CDKL4: variants seen among roughly 807,000 people sequenced by gnomAD.
The protein encoded by CDKL4 is cyclin dependent kinase like 4.
CDKL4 carries 44 observed loss-of-function variants against 42.0 expected under a neutral mutation model. The ratio of observed to expected loss-of-function variants is 1.05; its 90% CI spans 0.82 to 1.35. CDKL4 has a LOEUF of 1.35. Among genes scored for constraint, CDKL4 ranks in the 40% most tolerant of loss-of-function variants. The pLI, the probability that CDKL4 is intolerant of heterozygous loss-of-function variation, is 0.00. For missense variants in CDKL4, 393 were observed against 369.9 expected (o/e 1.06, Z -0.51); for synonymous variants, 120 against 121.6 (o/e 0.99, Z 0.09).
intron 4 of CDKL4, among the ~76,000 whole-genome samples, chr2:39,210,255 T>C (rs542431866): frequency 6.6e-6 from 1 of 152,282 alleles, no homozygotes; most frequent in African/African-American, 2.4e-5. Context: ...CCTCCCAAAG[T>C]CCTGGGATTA....
upstream of CDKL4, among the ~76,000 whole-genome samples, chr2:39,243,959 C>T (rs896325998): frequency 6.6e-6 from 1 of 152,212 alleles, no homozygotes; most frequent in Admixed American, 6.5e-5. Flanking sequence ...GAGGAGGCGC[C>T]GTGTACCCAG....
At chr2:39,237,406 A>C (rs1028706416) in intron 1 of CDKL4, among the ~76,000 whole-genome samples, 1 of 152,218 alleles carries the variant, frequency 6.6e-6, no homozygotes, top group African/African-American at 2.4e-5. Flanking sequence ...TGAAAAATCT[A>C]CAGTTAACAT....
At chr2:39,206,032 C>T (rs1045678395) in intron 4 of CDKL4, among the ~76,000 whole-genome samples, 1 of 144,276 alleles carries the variant, frequency 6.9e-6, no homozygotes, top group Non-Finnish European at 1.5e-5. Flanking sequence ...GCACGCTGAC[C>T]TCAAAGCAGC....
intron 9 of CDKL4, chr2:39,178,473 A>G (rs1675258421): frequency 1.7e-6 from 2 of 1,187,858 alleles, no homozygotes; most frequent in East Asian, 2.5e-5. Context: ...TCTCTGTGTC[A>G]GATACTGTTT....
chr2:39,183,199 G>A (rs889928638), intron 8 of CDKL4, among the ~76,000 whole-genome samples: 1 of 151,974 alleles, frequency 6.6e-6, no homozygotes, highest in Non-Finnish European at 1.5e-5. Context: ...AGAACCACTC[G>A]AACCTGGTTG....
chr2:39,179,690 G>A (rs887687233), intron 8 of CDKL4, among the ~76,000 whole-genome samples: 61 of 152,144 alleles, frequency 4.0e-4, no homozygotes, highest in African/African-American at 1.4e-3. Flanking sequence ...CGAAGTCTTG[G>A]GTCCTATACC....
intron 1 of CDKL4, among the ~76,000 whole-genome samples, chr2:39,243,057 C>A (rs1217904087): frequency 1.6e-5 from 2 of 121,370 alleles, no homozygotes; most frequent in East Asian, 5.6e-4. Flanking sequence ...GGGAGGTCAG[C>A]GAGCCAAGGT....
In CDKL4 at chr2:39,187,669, G is replaced by A. The variant is rs549348531; in HGVS notation, c.693C>T (p.Asn231=). 244 of 1,612,552 alleles carry A rather than the reference G, an allele frequency of 1.5e-4. 1 individual carries two copies. The highest frequency in any genetic ancestry group is 1.9e-4 in the Non-Finnish European group (225 of 1,178,888). Residue 231 remains asparagine (N), a synonymous_variant, in exon 7 of 10, where the codon AAC becomes AAT. Transcript: ENST00000451199. ...GTATACTGATGCCATGGAAAAACCC[G>A]TTACTTTTAAAGATTGATTGATGTC...
chr2:39,176,177 A>T (rs1407068216), intron 9 of CDKL4, 81 bp from the exon 10 acceptor site: 2 of 392,898 alleles, frequency 5.1e-6, no homozygotes, highest in Non-Finnish European at 1.0e-5. Flanking sequence ...AGATGATAAG[A>T]CAAGCAGATA....
chr2:39,193,932 T>A lies in CDKL4; in HGVS notation c.455-3430A>T, dbSNP rs557144317. 1.3e-4 allele frequency among the ~76,000 whole-genome samples: 20 copies of A among 152,332 alleles called. No individual in the cohort carries two copies. The South Asian group carries it at 3.9e-3, about 30-fold the overall frequency. ...TTACAGTATTAAGTCAGATAAATTC[T>A]TTAGCCATTTCCTTATTTCTGAATG... On this transcript the variant is annotated intron_variant, in intron 5 of 9. Transcript: ENST00000451199.
chr2:39,195,499 A>G (rs1380804035), intron 5 of CDKL4, among the ~76,000 whole-genome samples: 1 of 152,218 alleles, frequency 6.6e-6, no homozygotes, highest in Non-Finnish European at 1.5e-5. Context: ...TAAAAATAAT[A>G]GTCATCCTAA....
At chr2:39,183,413 A>C (rs574392373) in intron 8 of CDKL4, among the ~76,000 whole-genome samples, 1 of 152,256 alleles carries the variant, frequency 6.6e-6, no homozygotes, top group African/African-American at 2.4e-5. Context: ...GTTGATACTT[A>C]TGGGTCTAAA....
At chr2:39,245,500 A>AC (rs1679875419), upstream of CDKL4, among the ~76,000 whole-genome samples, 1 of 152,004 alleles carries the variant, frequency 6.6e-6, no homozygotes, top group East Asian at 1.9e-4. Flanking sequence ...GACTGCAAGA[A>AC]CCCACCAATT....
At chr2:39,222,017 A>G (rs965741275) in intron 3 of CDKL4, among the ~76,000 whole-genome samples, 3 of 152,188 alleles carry the variant, frequency 2.0e-5, no homozygotes, top group Non-Finnish European at 4.4e-5. Context: ...TTATAACTGT[A>G]TCCTCTGCAC....
chr2:39,243,189 A>AT (rs996103571), intron 1 of CDKL4, among the ~76,000 whole-genome samples: 4 of 20,180 alleles, frequency 2.0e-4, no homozygotes, highest in African/African-American at 2.3e-4. Flanking sequence ...AGATCAGGCC[A>AT]TATCAGTTAG....
At chr2:39,229,234 T>C (rs1333942283) in intron 2 of CDKL4, 131 bp downstream of exon 2, 2 of 651,280 alleles carry the variant, frequency 3.1e-6, no homozygotes, top group East Asian at 2.8e-5. Context: ...AATCAACTTA[T>C]TACCCAAAGG....
intron 4 of CDKL4, among the ~76,000 whole-genome samples, chr2:39,205,892 C>G (rs1483786421): frequency 1.3e-5 from 2 of 152,082 alleles, no homozygotes; most frequent in Non-Finnish European, 2.9e-5. Context: ...GCAGAGATTC[C>G]GAAGCATTCC....
chr2:39,222,064 A>G (rs1678406696), intron 3 of CDKL4, among the ~76,000 whole-genome samples: 1 of 152,208 alleles, frequency 6.6e-6, no homozygotes, highest in African/African-American at 2.4e-5. Flanking sequence ...TTTTGAGCGA[A>G]AGAATGCTAG....
intron 4 of CDKL4, among the ~76,000 whole-genome samples, chr2:39,205,759 C>CAAAAAAAAAAAAAAAAAAAA (rs1167041058): frequency 2.5e-5 from 2 of 78,668 alleles, no homozygotes; most frequent in Non-Finnish European, 2.4e-5. Flanking sequence ...GACTCCGTCT[C>CAAAAAAAAAAAAAAAAAAAA]AAAAAAAAAA....
Sources: allele counts gnomAD v4.1 joint callset (sites outside exome capture counted in the v4.1 genomes callset), GRCh38; gene constraint gnomAD v4.1.1; transcripts MANE v1.5; gene names NCBI Gene and HGNC (gene_info 2026-07-23, HGNC 2026-07-21).